Variants in TCF12 observed in about 807,000 individuals in gnomAD.
TCF12 encodes the protein transcription factor 12.
A neutral mutation model predicts 86.0 loss-of-function variants in TCF12; 45 were observed. The ratio of observed to expected loss-of-function variants is 0.52; its 90% CI spans 0.41 to 0.67. The LOEUF (loss-of-function observed/expected upper bound fraction) is 0.67, where lower values mean the gene tolerates loss of function less well. Ranked by LOEUF, TCF12 falls within the 30% of genes least tolerant of loss-of-function variation. The pLI is 0.00. For missense variants in TCF12, 881 were observed against 859.9 expected, an observed-to-expected ratio of 1.02 and a Z score of -0.31; for synonymous variants, 330 against 299.6, an observed-to-expected ratio of 1.10 and a Z score of -1.05.
intron 5 of TCF12, among the ~76,000 whole-genome samples, chr15:57,149,687 C>T (rs1043479678): frequency 6.6e-6 from 1 of 152,110 alleles, no homozygotes; most frequent in African/African-American, 2.4e-5. Flanking sequence ...ATGTTTTTAA[C>T]TTAGGCTACT....
intron 3 of TCF12, among the ~76,000 whole-genome samples, chr15:57,061,893 G>A (rs994177817): frequency 1.5e-4 from 23 of 152,240 alleles, no homozygotes; most frequent in African/African-American, 4.6e-4. Flanking sequence ...AGTGTTGGTT[G>A]CAGAGAAAAT....
intron 4 of TCF12, among the ~76,000 whole-genome samples, chr15:57,087,071 CTCTCCCTCTGTCTCCCTCTG>C (rs200204057): frequency 2.9e-5 from 4 of 136,612 alleles, no homozygotes; most frequent in South Asian, 2.2e-4. Context: ...GTCTCCCTCT[CTCTCCCTCTGTCTCCCTCTG>C]TCTCCCTCTC....
In TCF12 at chr15:57,145,832, GATAGT is replaced by G. The variant is rs145597679; in HGVS notation, c.326-20569_326-20565del. ...TTATGCTACTCTGCTCCTGCTGCGTGATAGTTGAGGGTAGGAAGGCTTTTGAGTTT... is the reference window on the plus strand; with the variant it reads ...TTATGCTACTCTGCTCCTGCTGCGTGTGAGGGTAGGAAGGCTTTTGAGTTT... On this transcript the variant is annotated intron_variant, in intron 5 of 20. Coordinates refer to ENST00000333725, the MANE Select transcript of TCF12 (RefSeq NM_207037.2). Among the ~76,000 whole-genome samples, 377 of 152,268 alleles carry G rather than the reference GATAGT, an allele frequency of 2.5e-3. 1 individual carries two copies. The highest frequency in any genetic ancestry group is 8.2e-3 in the African/African-American group (342 of 41,534).
Position 57,253,169 on chromosome 15 carries a change from A to G in TCF12, c.1261-93A>G, listed in dbSNP as rs138404049. On this transcript the variant is annotated intron_variant, in intron 15 of 20. Transcript: ENST00000333725. ...TACTTGATACTGCATTTCACTTGCT[A>G]TCTTCCACATATCACATAGTAGGAA... 849 of 1,383,252 alleles carry G rather than the reference A, an allele frequency of 6.1e-4. 7 individuals are homozygous for G. The African/African-American group carries it at 9.4e-3, about 15-fold the overall frequency. 85.7% of individuals were successfully genotyped at this position (1,383,252 alleles called of 1,614,324 possible).
At chr15:57,199,229 T>TAAA (rs2057416587) in intron 8 of TCF12, among the ~76,000 whole-genome samples, 1 of 152,204 alleles carries the variant, frequency 6.6e-6, no homozygotes, top group Admixed American at 6.5e-5. Flanking sequence ...CTAAAAATAG[T>TAAA]TGGCAATTTA....
chr15:57,049,834 G>C (rs889888606), intron 3 of TCF12, among the ~76,000 whole-genome samples: 2 of 152,054 alleles, frequency 1.3e-5, no homozygotes, highest in African/African-American at 2.4e-5. Context: ...TCTAATTCTT[G>C]TTCTAATTGA....
chr15:56,968,362 TTG>T (rs1224422208), intron 3 of TCF12, among the ~76,000 whole-genome samples: 1 of 108,628 alleles, frequency 9.2e-6, no homozygotes, highest in African/African-American at 2.8e-5. Context: ...TTACCTTTTT[TTG>T]TTTTTTTTTT....
intron 4 of TCF12, among the ~76,000 whole-genome samples, chr15:57,076,460 C>T (rs1705287142): frequency 1.3e-5 from 2 of 151,928 alleles, no homozygotes; most frequent in African/African-American, 4.8e-5. Context: ...CAAGACCATC[C>T]TGGCTAACAT....
chr15:57,048,993 C>G (rs1286299033), intron 3 of TCF12, among the ~76,000 whole-genome samples: 1 of 152,130 alleles, frequency 6.6e-6, no homozygotes, highest in South Asian at 2.1e-4. Flanking sequence ...GAATGACTCA[C>G]CAAAGTTGCT....
chr15:57,229,013 A>G (rs16977326), intron 8 of TCF12, among the ~76,000 whole-genome samples: 2,562 of 152,056 alleles, frequency 0.017, 39 homozygotes, highest in Non-Finnish European at 0.023. Context: ...ATTTGTGATA[A>G]AAAGCATGTG....
chr15:57,282,377 T>C (rs930522063), intron 19 of TCF12, 68 bp from the exon 20 acceptor site: 10 of 1,585,148 alleles, frequency 6.3e-6, no homozygotes, highest in Non-Finnish European at 8.6e-6. Context: ...CAACAGCAAT[T>C]TGTTCAGCTT....
rs371737762 is a variant in TCF12 at position 56,974,512 on chromosome 15, A to G, written c.148+53414A>G. Among the ~76,000 whole-genome samples, 9 of 152,248 alleles carry G rather than the reference A, an allele frequency of 5.9e-5. No homozygotes were observed. In the East Asian group the frequency reaches 7.7e-4, roughly 13 times the overall value. ...TTTACAGAAGGTTTAATGAAACTGC[A>G]TATGTTTTTGAGAGAAGGAAGAATA... On this transcript the variant is annotated intron_variant, in intron 3 of 20. Transcript: ENST00000333725.
At chr15:57,127,918 C>T (rs574987845) in intron 5 of TCF12, among the ~76,000 whole-genome samples, 1 of 152,302 alleles carries the variant, frequency 6.6e-6, no homozygotes, top group African/African-American at 2.4e-5. Context: ...CCCTGGACAT[C>T]GGAATATCTA....
chr15:57,211,520 T>C (rs542662844), intron 8 of TCF12, among the ~76,000 whole-genome samples: 41 of 152,370 alleles, frequency 2.7e-4, no homozygotes, highest in African/African-American at 9.4e-4. Context: ...ATAAATGTTA[T>C]TAGAATACAA....
At chr15:57,208,593 C>G (rs1354263781) in intron 8 of TCF12, among the ~76,000 whole-genome samples, 1 of 151,500 alleles carries the variant, frequency 6.6e-6, no homozygotes, top group African/African-American at 2.4e-5. Flanking sequence ...TCTTGTTGCC[C>G]AGGCAGGTCT....
intron 3 of TCF12, among the ~76,000 whole-genome samples, chr15:56,983,708 T>G (rs1322865969): frequency 6.6e-6 from 1 of 151,980 alleles, no homozygotes; most frequent in Non-Finnish European, 1.5e-5. Flanking sequence ...ATTTTAGGAT[T>G]TTGTTCAAGG....
chr15:57,208,303 A>G (rs1225491766), intron 8 of TCF12, among the ~76,000 whole-genome samples: 3 of 150,244 alleles, frequency 2.0e-5, no homozygotes, highest in Admixed American at 6.7e-5. Context: ...AAGTGCTGGG[A>G]TTACAGTTGT....
chr15:56,938,299 C>T (rs1444797945), intron 3 of TCF12, among the ~76,000 whole-genome samples: 1 of 151,510 alleles, frequency 6.6e-6, no homozygotes, highest in Admixed American at 6.6e-5. Flanking sequence ...TAGCTGGGAT[C>T]ACAGGCACGT....
chr15:57,261,529 A>G (rs1354214444), intron 16 of TCF12, among the ~76,000 whole-genome samples: 1 of 152,184 alleles, frequency 6.6e-6, no homozygotes, highest in Admixed American at 6.5e-5. Flanking sequence ...GTTCTCATGT[A>G]TAACTCCAGC....
Sources: allele counts gnomAD v4.1 joint callset (sites outside exome capture counted in the v4.1 genomes callset), GRCh38; gene constraint gnomAD v4.1.1; transcripts MANE v1.5; gene names NCBI Gene and HGNC (gene_info 2026-07-23, HGNC 2026-07-21).